The following ACSM1 variants were observed in gnomAD, a reference collection of about 807,000 sequenced individuals.
ACSM1 encodes acyl-coenzyme A synthetase ACSM1, mitochondrial.
A neutral mutation model predicts 75.8 loss-of-function variants in ACSM1; 79 were observed. The observed-to-expected ratio is 1.04, with a 90% CI of 0.87 to 1.26. The LOEUF (loss-of-function observed/expected upper bound fraction) is 1.26. Among genes scored for constraint, ACSM1 ranks in the 50% most tolerant of loss-of-function variants. The probability of loss-of-function intolerance (pLI) is 0.00; values close to 1 mark genes in which losing one functional copy is unlikely to be tolerated. For synonymous variants in ACSM1, 279 were observed against 265.8 expected (o/e 1.05, Z -0.48); for missense variants, 676 against 720.1 (o/e 0.94, Z 0.70).
chr16:20,691,169 A>C lies in ACSM1; in HGVS notation c.20T>G (p.Phe7Cys), dbSNP rs142785328. The C allele has an allele frequency of 2.6e-5, 42 of 1,600,698 alleles. No homozygotes were observed. The highest frequency in any genetic ancestry group is 1.3e-5 in the African/African-American group (1 of 74,140). ...TTTGTGGATGCCCCAGAGGGTCCGG[A>C]ACCTCATTAGCCACTGCATGGTGAA... MQWLMR[F>C]RTLWGIHKSF... The change falls in exon 2 of 14, where the codon TTC becomes TGC. Residue 7 changes from phenylalanine (F) to cysteine (C), a missense_variant. Coordinates refer to ENST00000520010, the MANE Select transcript of ACSM1 (RefSeq NM_001318890.3).
chr16:20,696,405 A>G (rs949255519), intron 1 of ACSM1, among the ~76,000 whole-genome samples: 21 of 152,244 alleles, frequency 1.4e-4, no homozygotes, highest in African/African-American at 4.6e-4. Context: ...GTGCTCAACA[A>G]AAAGTTAGAT....
intron 7 of ACSM1, among the ~76,000 whole-genome samples, chr16:20,642,122 A>G (rs1371256795): frequency 6.6e-6 from 1 of 152,182 alleles, no homozygotes; most frequent in Non-Finnish European, 1.5e-5. Context: ...AAAAGTATAT[A>G]AAGATGGAGC....
chr16:20,642,379 C>G (rs2018114519), intron 7 of ACSM1, among the ~76,000 whole-genome samples: 1 of 152,202 alleles, frequency 6.6e-6, no homozygotes, highest in Admixed American at 6.5e-5. Context: ...CACATCCTCT[C>G]TCTCCTCTTA....
intron 7 of ACSM1, among the ~76,000 whole-genome samples, chr16:20,659,789 T>C (rs1342212337): frequency 6.6e-6 from 1 of 152,212 alleles, no homozygotes; most frequent in East Asian, 1.9e-4. Flanking sequence ...AAGTCTGCTA[T>C]CTGAGAGTTT....
intron 7 of ACSM1, among the ~76,000 whole-genome samples, chr16:20,643,688 G>A (rs1190752654): frequency 6.6e-6 from 1 of 152,226 alleles, no homozygotes; most frequent in Non-Finnish European, 1.5e-5. Flanking sequence ...CTGGTGGCCA[G>A]CTTTTATTCC....
At chr16:20,656,511 T>A (rs77376054) in intron 7 of ACSM1, among the ~76,000 whole-genome samples, 3,269 of 152,274 alleles carry the variant, frequency 0.021, 116 homozygotes, top group African/African-American at 0.075. Context: ...GCACAAAATA[T>A]GCAGCATTTG....
At chr16:20,670,016 T>A in intron 5 of ACSM1, 30 bp from the exon 6 acceptor site, 2 of 1,611,720 alleles carry the variant, frequency 1.2e-6, no homozygotes, top group Non-Finnish European at 1.7e-6. Context: ...GCCTCAGCTG[T>A]GTGATCATGG....
intron 2 of ACSM1, among the ~76,000 whole-genome samples, chr16:20,690,416 G>A (rs1431925424): frequency 6.6e-6 from 1 of 152,166 alleles, no homozygotes; most frequent in Non-Finnish European, 1.5e-5. Flanking sequence ...ATAACCTCTG[G>A]AAGACACAGG....
intron 4 of ACSM1, among the ~76,000 whole-genome samples, chr16:20,675,894 A>G (rs2020247215): frequency 6.6e-6 from 1 of 152,240 alleles, no homozygotes; most frequent in Admixed American, 6.5e-5. Flanking sequence ...AAAGTCACAG[A>G]GGCTTGTAGC....
Position 20,691,049 on chromosome 16 carries a change from T to C in ACSM1, c.140A>G (p.Glu47Gly). 1.2e-6 allele frequency: 2 copies of C among 1,613,846 alleles called. No homozygotes were observed. Among genetic ancestry groups the C allele is most frequent in the Non-Finnish European group, 1.7e-6 (2 of 1,179,888 alleles). ...TACATAACTTGCAAAGTTAAATTCC[T>C]CCGGTACTTCATAGTCATTCCATCT... ...APRWNDYEVP[E>G]EFNFASYVLD... is the part of the protein sequence containing the mutation. The change falls in exon 2 of 14, where the codon GAG becomes GGG. Residue 47 changes from glutamate to glycine, a missense_variant. By Grantham distance (98) the Glu-to-Gly change is moderately conservative (BLOSUM62 -2). Coordinates refer to ENST00000520010, the MANE Select transcript of ACSM1 (RefSeq NM_001318890.3).
chr16:20,662,796 C>A (rs2019364773), intron 6 of ACSM1, among the ~76,000 whole-genome samples: 1 of 152,092 alleles, frequency 6.6e-6, no homozygotes, highest in South Asian at 2.1e-4. Flanking sequence ...TTTATATATG[C>A]TTTTAAAATT....
rs1455490860 is a variant in ACSM1 at position 20,686,857 on chromosome 16, T to C, written c.193-1454A>G. Among the ~76,000 whole-genome samples, 3 of 151,948 alleles carry C rather than the reference T, an allele frequency of 2.0e-5. No individual in the cohort carries two copies. In the South Asian group the frequency reaches 6.3e-4, roughly 32 times the overall value. ...GGAAAGTGATTAACATGTTAATTGG[T>C]ATGACTGCAGTAGTATATGTACAAG... On this transcript the variant is annotated intron_variant, in intron 2 of 13. Coordinates refer to ENST00000520010, the MANE Select transcript of ACSM1 (RefSeq NM_001318890.3).
chr16:20,678,494 G>A (rs1256757420), intron 4 of ACSM1, among the ~76,000 whole-genome samples: 4 of 152,158 alleles, frequency 2.6e-5, no homozygotes, highest in East Asian at 1.9e-4. Flanking sequence ...GAACTTCACC[G>A]AATTACCCTG....
intron 13 of ACSM1, 143 bp from the exon 14 acceptor site, chr16:20,623,715 C>T: frequency 1.2e-6 from 1 of 864,096 alleles, no homozygotes; most frequent in South Asian, 1.7e-5. Flanking sequence ...CCAAGTATTT[C>T]AGGTTCTCCC....
intron 10 of ACSM1, among the ~76,000 whole-genome samples, chr16:20,632,145 G>T (rs750620627): frequency 1.2e-4 from 18 of 152,088 alleles, no homozygotes; most frequent in African/African-American, 4.8e-5. Context: ...CGTTAAAAAA[G>T]ATCTCAAGCC....
intron 4 of ACSM1, chr16:20,680,554 C>T (rs1300076867): frequency 6.6e-6 from 1 of 152,232 alleles, no homozygotes. Context: ...TGCCAGTGAA[C>T]CAACAGCCTC....
chr16:20,636,320 T>G (rs1302596806), intron 10 of ACSM1, among the ~76,000 whole-genome samples: 1 of 152,194 alleles, frequency 6.6e-6, no homozygotes, highest in African/African-American at 2.4e-5. Flanking sequence ...CTACCATTTA[T>G]TTGATGTGCA....
rs1596816456 is a variant in ACSM1 at position 20,640,529 on chromosome 16, T to G, written c.1048A>C (p.Lys350Gln). ...CYTGGEVVLP[K>Q]DQEEWKRRTG... ...CGTCTTTTCCACTCCTCCTGATCCT[T>G]GGGCAACACGACCTCCCCGCCAGTA... Residue 350 changes from lysine (K) to glutamine (Q), a missense_variant, in exon 8 of 14, where the codon AAG (lysine) becomes CAG (glutamine). Transcript: ENST00000520010. 6.2e-7 allele frequency: 1 copy of G among 1,614,122 alleles called. No individual in the cohort carries two copies. Among genetic ancestry groups the G allele is most frequent in the Non-Finnish European group, 8.5e-7 (1 of 1,180,002 alleles).
intron 2 of ACSM1, among the ~76,000 whole-genome samples, chr16:20,687,899 C>T (rs2079581785): frequency 6.6e-6 from 1 of 152,036 alleles, no homozygotes; most frequent in African/African-American, 2.4e-5. Context: ...GCCTGGCCAA[C>T]ACGGCAAAAC....
Sources: allele counts gnomAD v4.1 joint callset (sites outside exome capture counted in the v4.1 genomes callset), GRCh38; gene constraint gnomAD v4.1.1; transcripts MANE v1.5; gene names NCBI Gene and HGNC (gene_info 2026-07-23, HGNC 2026-07-21).